NOS3: variants seen among roughly 807,000 people sequenced by gnomAD.
NOS3 encodes NOS type III.
A neutral mutation model predicts 144.9 loss-of-function variants in NOS3; 98 were observed. The ratio of observed to expected loss-of-function variants is 0.68; its 90% CI spans 0.57 to 0.80. The LOEUF (loss-of-function observed/expected upper bound fraction) is 0.80. NOS3 is among the 30% of genes least tolerant of loss of function. The pLI is 0.00. For synonymous variants in NOS3, 714 were observed against 702.4 expected, an observed-to-expected ratio of 1.02 and a Z score of -0.26; for missense variants, 1,465 against 1,656.4, an observed-to-expected ratio of 0.88 and a Z score of 2.01.
At chr7:150,994,367 A>T (rs1802321089) in intron 2 of NOS3, among the ~76,000 whole-genome samples, 2 of 152,226 alleles carry the variant, frequency 1.3e-5, no homozygotes, top group African/African-American at 4.8e-5. Context: ...GCTGGAGAAG[A>T]AAGGAGCTGA....
In NOS3 at chr7:151,010,190, T is replaced by A; in HGVS notation, c.2588T>A (p.Leu863Gln). 1.9e-6 allele frequency: 3 copies of A among 1,612,238 alleles called. No homozygotes were observed. The highest frequency in any genetic ancestry group is 2.5e-6 in the Non-Finnish European group (3 of 1,179,860). The change falls in exon 21 of 27, where the codon CTG (leucine) becomes CAG (glutamine). Residue 863 changes from leucine to glutamine, a missense_variant. Leu to Gln is a moderately radical substitution (Grantham distance 113). Around this residue, in one of 5 missense-constraint regions of NOS3, gnomAD observed 745 missense variants for 853.9 expected, o/e 0.87. Coordinates refer to ENST00000297494, the MANE Select transcript of NOS3 (RefSeq NM_000603.5). ...CTLRQALTFF[L>Q]DITSPPSPQL... The stretch of plus-strand genomic sequence containing the variant: ...CTGCGCCAGGCTCTCACCTTCTTCC[T>A]GGACATCACCTCCCCACCCAGCCCT...
rs749242080 is a variant in NOS3, at chr7:151,009,294, C to G, written c.2324+27C>G. On this transcript the variant is annotated intron_variant, in intron 19 of 26. Coordinates refer to ENST00000297494, the MANE Select transcript of NOS3 (RefSeq NM_000603.5). ...TGAGGACGACGGCTTTACCGCCCCCCCACCCCTGTCCTGAACACCCTGACC... is the reference window on the plus strand; with the variant it reads ...TGAGGACGACGGCTTTACCGCCCCCGCACCCCTGTCCTGAACACCCTGACC... 3 of 1,585,246 alleles carry G rather than the reference C, an allele frequency of 1.9e-6. No homozygotes were observed. In the Admixed American group the frequency reaches 5.2e-5, roughly 27 times the overall value.
chr7:151,002,221 G>C lies in NOS3; in HGVS notation c.1669G>C (p.Asp557His). 1 of 1,598,542 alleles carries C rather than the reference G, an allele frequency of 6.3e-7. No individual in the cohort carries two copies. Among genetic ancestry groups the C allele is most frequent in the Non-Finnish European group, 8.5e-7 (1 of 1,172,112 alleles). ...DPRVLCMDEY[D>H]VVSLEHETLV... ...ACAGGTCCTGTGTATGGATGAGTAT[G>C]ACGTGGTGTCCCTCGAACACGAGAC... The change falls in exon 14 of 27, where the codon GAC (aspartate) becomes CAC (histidine). Residue 557 changes from aspartate to histidine, a missense_variant. Around this residue, in one of 5 missense-constraint regions of NOS3, gnomAD observed 745 missense variants for 853.9 expected, o/e 0.87. Coordinates refer to ENST00000297494, the MANE Select transcript of NOS3 (RefSeq NM_000603.5). The surrounding 1 kb of genome is among the most constrained non-coding windows in gnomAD (Gnocchi z 4.1).
rs1048775049 is a variant in NOS3, at chr7:150,995,230, C to T, written c.186C>T (p.Pro62=). The change falls in exon 3 of 27, where the codon CCC becomes CCT. Residue 62 remains proline (P), a synonymous_variant. Transcript: ENST00000297494. ...HSPPSSPLTQ[P]PEGPKFPRVK... ...CCCCGAGCTCCCCGCTAACCCAGCC[C>T]CCAGAGGGGCCCAAGTTCCCTCGTG... 6 of 1,610,868 alleles carry T rather than the reference C, an allele frequency of 3.7e-6. No individual in the cohort carries two copies. In the African/African-American group the frequency reaches 6.7e-5, roughly 18 times the overall value.
chr7:150,998,609 G>A lies in NOS3; in HGVS notation c.745G>A (p.Val249Met), dbSNP rs1328049835. Reference sequence around the variant, plus strand: ...CTTCCGAATCTGGAACAGCCAGCTGGTGCGCTACGCGGGCTACCGGCAGCA... The same window carrying A: ...CTTCCGAATCTGGAACAGCCAGCTGATGCGCTACGCGGGCTACCGGCAGCA... ...GDFRIWNSQL[V>M]RYAGYRQQDG... Residue 249 changes from valine to methionine, a missense_variant, in exon 7 of 27, where the codon GTG (valine) becomes ATG (methionine). Physicochemically the swap from Val to Met is conservative, Grantham distance 21 (BLOSUM62 1). Coordinates refer to ENST00000297494, the MANE Select transcript of NOS3 (RefSeq NM_000603.5). The surrounding 1 kb of genome is among the most constrained non-coding windows in gnomAD (Gnocchi z 5.0). 1.2e-6 allele frequency: 2 copies of A among 1,608,916 alleles called. No individual in the cohort carries two copies. Among genetic ancestry groups the A allele is most frequent in the Admixed American group, 1.7e-5 (1 of 59,462 alleles).
chr7:150,999,541 CA>C (rs946238939), intron 9 of NOS3, among the ~76,000 whole-genome samples, 177 bp downstream of exon 9: 14 of 151,512 alleles, frequency 9.2e-5, no homozygotes, highest in Non-Finnish European at 1.9e-4. Flanking sequence ...TAGGGGGTGG[CA>C]GGGGTGTGTG....
Position 150,996,847 on chromosome 7 carries a change from C to T in NOS3, c.504C>T (p.Ser168=), listed in dbSNP as rs371109217. 523 of 1,606,212 alleles carry T rather than the reference C, an allele frequency of 3.3e-4. No individual in the cohort carries two copies. Among genetic ancestry groups the T allele is most frequent in the Non-Finnish European group, 4.1e-4 (486 of 1,177,230 alleles). The part of the protein sequence containing the change: ...AATGTYQLRE[S]ELVFGAKQAW... Reference sequence around the variant, plus strand: ...CAGGCACCTACCAGCTTAGGGAGAGCGAGCTGGTGTTCGGGGCTAAGCAGG... The same window carrying T: ...CAGGCACCTACCAGCTTAGGGAGAGTGAGCTGGTGTTCGGGGCTAAGCAGG... The change falls in exon 5 of 27, where the codon AGC becomes AGT. Residue 168 remains serine, a synonymous_variant. Coordinates refer to ENST00000297494, the MANE Select transcript of NOS3 (RefSeq NM_000603.5).
chr7:150,998,709 G>A lies in NOS3; in HGVS notation c.816+29G>A. ...GGCACCGAGGGCCACCCATGAGGGTGTCCCCAAGGTGGAGAATGAGGAAAC... is the reference window on the plus strand; with the variant it reads ...GGCACCGAGGGCCACCCATGAGGGTATCCCCAAGGTGGAGAATGAGGAAAC... On this transcript the variant is annotated intron_variant, in intron 7 of 26. Transcript: ENST00000297494. The surrounding 1 kb of genome is among the most constrained non-coding windows in gnomAD (Gnocchi z 5.0). 1 of 1,586,448 alleles carries A rather than the reference G, an allele frequency of 6.3e-7. No homozygotes were observed. Among genetic ancestry groups the A allele is most frequent in the African/African-American group, 1.3e-5 (1 of 74,812 alleles).
chr7:151,014,176 C>G lies in NOS3; in HGVS notation c.*7C>G. Reference sequence around the variant, plus strand: ...AGACACCAACAGCCCCTGAGAGCCGCCTGGCTTTCCCTTCCAGTTCCGGGA... The same window carrying G: ...AGACACCAACAGCCCCTGAGAGCCGGCTGGCTTTCCCTTCCAGTTCCGGGA... On this transcript the variant is annotated 3_prime_UTR_variant, in exon 27 of 27. Coordinates refer to ENST00000297494, the MANE Select transcript of NOS3 (RefSeq NM_000603.5). 6.3e-7 allele frequency: 1 copy of G among 1,592,642 alleles called. No individual in the cohort carries two copies. The highest frequency in any genetic ancestry group is 1.3e-5 in the African/African-American group (1 of 74,692).
intron 25 of NOS3, 99 bp from the exon 26 acceptor site, chr7:151,013,625 C>G (rs1795360270): frequency 3.3e-6 from 4 of 1,223,582 alleles, no homozygotes; most frequent in African/African-American, 1.5e-5. Flanking sequence ...CCACCAGGCC[C>G]GCTCCGGAGA....
Position 151,002,481 on chromosome 7 carries a change from G to A in NOS3, c.1752+177G>A, listed in dbSNP as rs1160751643. Among the ~76,000 whole-genome samples the A allele has an allele frequency of 6.7e-6, 1 of 149,542 alleles. No individual in the cohort carries two copies. The highest frequency in any genetic ancestry group is 2.5e-5 in the African/African-American group (1 of 40,374). On this transcript the variant is annotated intron_variant, in intron 14 of 26. Coordinates refer to ENST00000297494, the MANE Select transcript of NOS3 (RefSeq NM_000603.5). This position sits in a 1 kb window ranked among gnomAD's most constrained non-coding sequence, Gnocchi z 4.1. ...CAGGATGGAAAGGGAGATGCTAAGA[G>A]ACCCCTGGAGCCTGAAACCCCACAC... is the stretch of plus-strand genomic sequence containing the variant.
At chr7:150,997,058 A>G (rs1802446857) in intron 5 of NOS3, 133 bp downstream of exon 5, 8 of 1,160,788 alleles carry the variant, frequency 6.9e-6, no homozygotes, top group Non-Finnish European at 8.3e-6. Context: ...TCCCTTAGAG[A>G]CTGGAAAGGT....
At chr7:151,008,745 G>C (rs1795243775) in intron 17 of NOS3, 185 bp from the exon 18 acceptor site, 2 of 610,524 alleles carry the variant, frequency 3.3e-6, no homozygotes, top group Non-Finnish European at 5.5e-6. Context: ...GAGCCAGCCG[G>C]GTCCCTGGGC....
chr7:150,993,774 G>C lies in NOS3; in HGVS notation c.-30G>C, dbSNP rs1168650562. On this transcript the variant is annotated 5_prime_UTR_variant, in exon 2 of 27. Transcript: ENST00000297494. The surrounding 1 kb of genome is among the most constrained non-coding windows in gnomAD (Gnocchi z 4.0). ...TAAGGAAAAGGCCAGGGCTCTGCTG[G>C]AGCAGGCAGCAGAGTGGACGCACAG... is the stretch of plus-strand genomic sequence containing the variant. 1 of 1,572,536 alleles carries C rather than the reference G, an allele frequency of 6.4e-7. No homozygotes were observed. Among genetic ancestry groups the C allele is most frequent in the South Asian group, 1.2e-5 (1 of 84,994 alleles).
In NOS3 at chr7:150,993,204, T is replaced by A. The variant is rs3918163; in HGVS notation, c.-51-549T>A. 0.011 allele frequency among the ~76,000 whole-genome samples: 1,660 copies of A among 152,236 alleles called. 35 individuals are homozygous for A. The highest frequency in any genetic ancestry group is 0.038 in the African/African-American group (1,565 of 41,524). The stretch of plus-strand genomic sequence containing the variant: ...GTCAGACTCAAGGACAAAAAGTCAC[T>A]ACATCCTTGCTGGGCCTCTATCCCC... On this transcript the variant is annotated intron_variant, in intron 1 of 26. Transcript: ENST00000297494. The surrounding 1 kb of genome is among the most constrained non-coding windows in gnomAD (Gnocchi z 4.0).
At chr7:151,006,769 A>G (rs1795211894) in intron 15 of NOS3, 120 bp from the exon 16 acceptor site, 1 of 838,862 alleles carries the variant, frequency 1.2e-6, no homozygotes, top group Non-Finnish European at 2.0e-6. Flanking sequence ...GCCCCTCCCA[A>G]GGGCAGGGCC....
intron 4 of NOS3, 99 bp from the exon 5 acceptor site, chr7:150,996,664 C>A: frequency 1.4e-6 from 2 of 1,474,566 alleles, no homozygotes; most frequent in Non-Finnish European, 9.2e-7. Flanking sequence ...CACGTGGGCC[C>A]CTCCCGCCCT....
At chr7:151,001,759 C>T in intron 12 of NOS3, 62 bp from the exon 13 acceptor site, 1 of 1,607,104 alleles carries the variant, frequency 6.2e-7, no homozygotes, top group Non-Finnish European at 8.5e-7. Flanking sequence ...GGGTTGGACC[C>T]TTGCCTGGGG....
chr7:151,001,137 G>A (rs528031713), intron 10 of NOS3, 94 bp from the exon 11 acceptor site: 3 of 1,250,484 alleles, frequency 2.4e-6, no homozygotes, highest in Admixed American at 1.7e-5. Context: ...GTAATCGAGG[G>A]CACATGTGGT....
Sources: allele counts gnomAD v4.1 joint callset (sites outside exome capture counted in the v4.1 genomes callset), GRCh38; gene constraint gnomAD v4.1.1; regional missense constraint gnomAD v4.1.1; non-coding constraint Gnocchi (gnomAD v3.1); transcripts MANE v1.5; gene names NCBI Gene and HGNC (gene_info 2026-07-23, HGNC 2026-07-21).